Variants in HCN1 observed in about 807,000 individuals in gnomAD.
HCN1 encodes the protein potassium/sodium hyperpolarization-activated cyclic nucleotide-gated channel 1.
Under a neutral mutation model 78.9 loss-of-function variants are expected in HCN1, and 13 were observed. The observed-to-expected ratio is 0.16, with a 90% CI of 0.11 to 0.26. The LOEUF (loss-of-function observed/expected upper bound fraction) is 0.26. HCN1 is among the 10% of genes least tolerant of loss of function. The pLI is 1.00. For synonymous variants in HCN1, 552 were observed against 455.5 expected (o/e 1.21, Z -2.70); for missense variants, 810 against 1,154.3 (o/e 0.70, Z 4.32).
At chr5:45,492,392 AATATAT>A (rs35781186) in intron 2 of HCN1, among the ~76,000 whole-genome samples, 2,166 of 121,346 alleles carry the variant, frequency 0.018, 79 homozygotes, top group African/African-American at 0.064. Flanking sequence ...TCTTTAAATG[AATATAT>A]ATATATATAT....
At chr5:45,533,386 G>T (rs111996881) in intron 2 of HCN1, among the ~76,000 whole-genome samples, 15,103 of 152,022 alleles carry the variant, frequency 0.099, 947 homozygotes, top group Middle Eastern at 0.17. Context: ...TTATTCCAGG[G>T]AGCTGCCTAA....
intron 3 of HCN1, among the ~76,000 whole-genome samples, chr5:45,459,748 A>C (rs2111620854): frequency 6.6e-6 from 1 of 152,242 alleles, no homozygotes. Context: ...GAAAAATGTA[A>C]AATAATAATT....
At chr5:45,685,405 AG>A (rs1739783555) in intron 1 of HCN1, among the ~76,000 whole-genome samples, 1 of 152,178 alleles carries the variant, frequency 6.6e-6, no homozygotes, top group Non-Finnish European at 1.5e-5. Context: ...AAAATTTTGC[AG>A]AAACAGGATA....
intron 5 of HCN1, among the ~76,000 whole-genome samples, chr5:45,311,670 A>C (rs1745853992): frequency 6.6e-6 from 1 of 152,194 alleles, no homozygotes; most frequent in Non-Finnish European, 1.5e-5. Flanking sequence ...GTTCGATATA[A>C]AAGTGTTGAC....
At chr5:45,348,455 C>T (rs1439011518) in intron 5 of HCN1, among the ~76,000 whole-genome samples, 1 of 152,108 alleles carries the variant, frequency 6.6e-6, no homozygotes, top group Non-Finnish European at 1.5e-5. Flanking sequence ...GAAACTGCAT[C>T]AACTAACAAG....
intron 1 of HCN1, among the ~76,000 whole-genome samples, chr5:45,650,728 T>G (rs1745660477): frequency 6.6e-6 from 1 of 152,094 alleles, no homozygotes; most frequent in Non-Finnish European, 1.5e-5. Flanking sequence ...TAAAGTGGCG[T>G]TGTAAAGATT....
intron 2 of HCN1, among the ~76,000 whole-genome samples, chr5:45,464,022 A>G (rs1242119392): frequency 6.6e-6 from 1 of 152,104 alleles, no homozygotes; most frequent in Non-Finnish European, 1.5e-5. Flanking sequence ...CAGGCTTTAG[A>G]GTGGAGTATG....
At chr5:45,570,908 T>C (rs1743813769) in intron 2 of HCN1, among the ~76,000 whole-genome samples, 1 of 152,132 alleles carries the variant, frequency 6.6e-6, no homozygotes, top group South Asian at 2.1e-4. Flanking sequence ...GACAAGTATA[T>C]TTTTCTATTC....
intron 2 of HCN1, among the ~76,000 whole-genome samples, chr5:45,628,679 G>C (rs1745216679): frequency 6.6e-6 from 1 of 152,054 alleles, no homozygotes; most frequent in South Asian, 2.1e-4. Flanking sequence ...CACACACATT[G>C]AAAATAAAAT....
chr5:45,679,597 ACTCAGGTGAAGTCATGGAACCAT>A (rs1739662876), intron 1 of HCN1, among the ~76,000 whole-genome samples: 2 of 152,188 alleles, frequency 1.3e-5, no homozygotes, highest in South Asian at 4.1e-4. Context: ...GAACATTCTA[ACTCAGGTGAAGTCATGGAACCAT>A]CTCAAGTCTA....
intron 6 of HCN1, among the ~76,000 whole-genome samples, chr5:45,296,926 T>A (rs769698782): frequency 1.3e-5 from 2 of 151,974 alleles, no homozygotes; most frequent in Admixed American, 6.6e-5. Flanking sequence ...TAACTTTATA[T>A]CCACAAGGAA....
At chr5:45,658,913 A>T (rs1215666245) in intron 1 of HCN1, among the ~76,000 whole-genome samples, 1 of 145,496 alleles carries the variant, frequency 6.9e-6, no homozygotes, top group East Asian at 2.1e-4. Flanking sequence ...GCTTAGGTAA[A>T]CAAAGCAGCC....
chr5:45,258,404 C>A lies in HCN1; in HGVS notation c.*3517G>T, dbSNP rs1382116075. The stretch of plus-strand genomic sequence containing the variant: ...AGTTTATAAATTGCAAAATAACCAT[C>A]TCTTTAAAGTGGAACAGCATTCATC... On this transcript the variant is annotated 3_prime_UTR_variant, in exon 8 of 8. Coordinates refer to ENST00000303230, the MANE Select transcript of HCN1 (RefSeq NM_021072.4). The A allele has an allele frequency of 6.6e-6, 1 of 152,152 alleles. No homozygotes were observed. The highest frequency in any genetic ancestry group is 1.5e-5 in the Non-Finnish European group (1 of 68,004). 9.4% of individuals were successfully genotyped at this position (152,152 alleles called of 1,614,324 possible). A position where few individuals can be genotyped will look rare whatever the true frequency, so the allele number is the denominator to read the frequency against.
Position 45,262,051 on chromosome 5 carries a change from CCCGA to C in HCN1, c.2539_2542del (p.Ser847GlufsTer28). 1 of 1,613,872 alleles carries C rather than the reference CCCGA, an allele frequency of 6.2e-7. No individual in the cohort carries two copies. Among genetic ancestry groups the C allele is most frequent in the Non-Finnish European group, 8.5e-7 (1 of 1,180,000 alleles). On this transcript the variant is annotated frameshift_variant, in exon 8 of 8. Transcript: ENST00000303230. LOFTEE classifies it high-confidence loss of function. The stretch of plus-strand genomic sequence containing the variant: ...GACTCCTCGGTTCGGGGGGATGGCT[CCCGA>C]CGACATCTGTCGGAAGAGGGTGACG...
chr5:45,338,237 T>C (rs1359288679), intron 5 of HCN1, among the ~76,000 whole-genome samples: 2 of 152,172 alleles, frequency 1.3e-5, no homozygotes, highest in Non-Finnish European at 2.9e-5. Flanking sequence ...TTGTATAAGT[T>C]TGTGAGACAA....
At chr5:45,316,587 T>C (rs1277095336) in intron 5 of HCN1, among the ~76,000 whole-genome samples, 1 of 152,068 alleles carries the variant, frequency 6.6e-6, no homozygotes, top group Non-Finnish European at 1.5e-5. Flanking sequence ...GAGAAAGAAA[T>C]AAAGGGTATT....
intron 3 of HCN1, among the ~76,000 whole-genome samples, chr5:45,443,072 G>T (rs552816649): frequency 1.3e-5 from 2 of 152,050 alleles, no homozygotes; most frequent in South Asian, 4.1e-4. Flanking sequence ...TTTTGCCTTC[G>T]AAAGTTGGTG....
intron 4 of HCN1, among the ~76,000 whole-genome samples, chr5:45,373,838 T>C (rs955880363): frequency 2.3e-5 from 3 of 130,822 alleles, no homozygotes; most frequent in Non-Finnish European, 3.2e-5. Flanking sequence ...TCATCTATAA[T>C]ATATTACATA....
At chr5:45,284,911 A>T (rs1468644039) in intron 6 of HCN1, among the ~76,000 whole-genome samples, 1 of 152,074 alleles carries the variant, frequency 6.6e-6, no homozygotes, top group Non-Finnish European at 1.5e-5. Flanking sequence ...AGATGGGTCT[A>T]TTTAAAGTGG....
Sources: gnomAD v4.1 joint callset for allele counts (sites outside exome capture counted in the v4.1 genomes callset) on GRCh38, gnomAD v4.1.1 for gene constraint, MANE v1.5 for transcripts, NCBI Gene and HGNC (gene_info 2026-07-23, HGNC 2026-07-21) for gene names.